CDH20: variants seen among roughly 807,000 people sequenced by gnomAD.
CDH20 encodes cadherin 20.
In CDH20, 29 loss-of-function variants were observed where a neutral mutation model predicts 74.2. The ratio of observed to expected loss-of-function variants is 0.39; its 90% CI spans 0.29 to 0.53. The LOEUF (loss-of-function observed/expected upper bound fraction) is 0.53, where lower values mean the gene tolerates loss of function less well. CDH20 is among the 20% of genes least tolerant of loss of function. CDH20 has a pLI of 0.69. For synonymous variants in CDH20, 469 were observed against 405.4 expected (o/e 1.16, Z -1.88); for missense variants, 988 against 1,048.3 (o/e 0.94, Z 0.79).
In CDH20 at chr18:61,409,976, T is replaced by G. The variant is rs529308462; in HGVS notation, c.-153+76149T>G. On this transcript the variant is annotated intron_variant, in intron 1 of 11. Transcript: ENST00000262717. ...GCAGCCAGGGAATTCTTTGAACCTT[T>G]TCTGGTTCTGAGAACCAGGTGCTAG... is the stretch of plus-strand genomic sequence containing the variant. Among the ~76,000 whole-genome samples the G allele has an allele frequency of 2.6e-5, 4 of 152,330 alleles. No individual in the cohort carries two copies. In the East Asian group the frequency reaches 7.7e-4, roughly 29 times the overall value.
intron 6 of CDH20, among the ~76,000 whole-genome samples, chr18:61,526,648 T>C (rs965329113): frequency 3.9e-5 from 6 of 152,140 alleles, no homozygotes; most frequent in Non-Finnish European, 8.8e-5. Context: ...TCTTCAGAAA[T>C]AGCATTTTAA....
chr18:61,422,150 C>G (rs370635410), intron 1 of CDH20, among the ~76,000 whole-genome samples: 35 of 152,204 alleles, frequency 2.3e-4, no homozygotes, highest in African/African-American at 8.2e-4. Flanking sequence ...GGTTCTTTAG[C>G]TCCATGGGAC....
chr18:61,493,496 G>A (rs1911031755), intron 2 of CDH20, among the ~76,000 whole-genome samples: 1 of 152,072 alleles, frequency 6.6e-6, no homozygotes, highest in Non-Finnish European at 1.5e-5. Context: ...CCCTCACTCA[G>A]CCCTCGTGCA....
chr18:61,427,835 T>G (rs1913123736), intron 1 of CDH20, among the ~76,000 whole-genome samples: 1 of 152,168 alleles, frequency 6.6e-6, no homozygotes, highest in Non-Finnish European at 1.5e-5. Flanking sequence ...CAGGTTTCCC[T>G]CTTCTCTACA....
Position 61,550,917 on chromosome 18 carries a change from C to G in CDH20, c.1900+688C>G, listed in dbSNP as rs1913412395. ...GAAGGAAGTGATGGTGTGAACCACACAGATTTCTGGAGAATAAGCTGTTTG... is the reference window on the plus strand; with the variant it reads ...GAAGGAAGTGATGGTGTGAACCACAGAGATTTCTGGAGAATAAGCTGTTTG... On this transcript the variant is annotated intron_variant, in intron 11 of 11. Coordinates refer to ENST00000262717, the MANE Select transcript of CDH20 (RefSeq NM_031891.4). Among the ~76,000 whole-genome samples, 3 of 152,172 alleles carry G rather than the reference C, an allele frequency of 2.0e-5. No homozygotes were observed. The South Asian group carries it at 6.2e-4, about 32-fold the overall frequency.
intron 6 of CDH20, among the ~76,000 whole-genome samples, chr18:61,515,428 A>G (rs1200362418): frequency 6.6e-6 from 1 of 151,936 alleles, no homozygotes; most frequent in African/African-American, 2.4e-5. Flanking sequence ...TGAACCCGGT[A>G]CCTCAGATGG....
intron 1 of CDH20, among the ~76,000 whole-genome samples, chr18:61,343,469 T>C (rs750251972): frequency 2.0e-5 from 3 of 152,234 alleles, no homozygotes; most frequent in Middle Eastern, 3.4e-3. Flanking sequence ...CCAAGACCGC[T>C]CTGCTGGAGA....
intron 1 of CDH20, among the ~76,000 whole-genome samples, chr18:61,411,220 G>A (rs1376755484): frequency 6.6e-6 from 1 of 151,640 alleles, no homozygotes; most frequent in Non-Finnish European, 1.5e-5. Context: ...AATGTATATG[G>A]CAAGAATGGC....
At chr18:61,472,626 G>A (rs1169910322) in intron 1 of CDH20, among the ~76,000 whole-genome samples, 4 of 152,158 alleles carry the variant, frequency 2.6e-5, no homozygotes. Flanking sequence ...GTTCAAGATT[G>A]GTCAATGAAA....
At chr18:61,460,220 G>A (rs1057134282) in intron 1 of CDH20, among the ~76,000 whole-genome samples, 3 of 152,084 alleles carry the variant, frequency 2.0e-5, no homozygotes, top group Non-Finnish European at 4.4e-5. Flanking sequence ...AATTCCAAAG[G>A]CATTTTAAAG....
chr18:61,461,736 A>G (rs1909782939), intron 1 of CDH20, among the ~76,000 whole-genome samples: 1 of 152,204 alleles, frequency 6.6e-6, no homozygotes, highest in Admixed American at 6.5e-5. Flanking sequence ...GGCCAAGTAG[A>G]GGGGCTCAAG....
chr18:61,519,228 C>T (rs1050505791), intron 6 of CDH20, among the ~76,000 whole-genome samples: 6 of 151,230 alleles, frequency 4.0e-5, no homozygotes, highest in Admixed American at 2.6e-4. Context: ...ACTTCCCCAA[C>T]CTAGCAAGAT....
At chr18:61,525,194 C>G (rs1479516442) in intron 6 of CDH20, among the ~76,000 whole-genome samples, 1 of 151,872 alleles carries the variant, frequency 6.6e-6, no homozygotes, top group African/African-American at 2.4e-5. Flanking sequence ...ACTGAATACA[C>G]TAGTCAAAAC....
intron 1 of CDH20, among the ~76,000 whole-genome samples, chr18:61,410,253 A>T (rs1912452376): frequency 1.3e-5 from 2 of 152,188 alleles, no homozygotes; most frequent in African/African-American, 2.4e-5. Flanking sequence ...AGAAAATATT[A>T]AAAAATAACA....
chr18:61,518,778 A>T lies in CDH20; in HGVS notation c.1018-9189A>T, dbSNP rs974154147. 1.2e-4 allele frequency among the ~76,000 whole-genome samples: 18 copies of T among 151,414 alleles called. No homozygotes were observed. In the East Asian group the frequency reaches 3.5e-3, roughly 29 times the overall value. ...ACTGGATGCAGAATGAGTTTGACAA[A>T]CTGACAGAAGTGGGCTTCAGAAAGT... On this transcript the variant is annotated intron_variant, in intron 6 of 11. Coordinates refer to ENST00000262717, the MANE Select transcript of CDH20 (RefSeq NM_031891.4).
chr18:61,424,544 G>A (rs892146273), intron 1 of CDH20, among the ~76,000 whole-genome samples: 3 of 152,160 alleles, frequency 2.0e-5, no homozygotes, highest in African/African-American at 4.8e-5. Context: ...ATGGAAAATT[G>A]TAAAATATAC....
chr18:61,340,389 A>T (rs1905879418), intron 1 of CDH20, among the ~76,000 whole-genome samples: 1 of 152,044 alleles, frequency 6.6e-6, no homozygotes, highest in Non-Finnish European at 1.5e-5. Flanking sequence ...TTGTTCCCAG[A>T]GAGGGTTGTT....
intron 1 of CDH20, among the ~76,000 whole-genome samples, chr18:61,396,567 CAT>C (rs1374948665): frequency 3.9e-5 from 6 of 152,198 alleles, no homozygotes; most frequent in Non-Finnish European, 7.3e-5. Context: ...CAGGGTTACA[CAT>C]GTTGCCTCCA....
At chr18:61,528,948 T>C (rs529803202) in intron 7 of CDH20, among the ~76,000 whole-genome samples, 24 of 152,316 alleles carry the variant, frequency 1.6e-4, no homozygotes, top group South Asian at 6.2e-4. Context: ...GCCAGACAGA[T>C]GGGTCTTTGT....
Sources: gnomAD v4.1 joint callset for allele counts (sites outside exome capture counted in the v4.1 genomes callset) on GRCh38, gnomAD v4.1.1 for gene constraint, MANE v1.5 for transcripts, NCBI Gene and HGNC (gene_info 2026-07-23, HGNC 2026-07-21) for gene names.